ADAMTS17: variants seen among roughly 807,000 people sequenced by gnomAD.
ADAMTS17 encodes A disintegrin and metalloproteinase with thrombospondin motifs 17.
In ADAMTS17, 113 loss-of-function variants were observed where a neutral mutation model predicts 141.5. The observed-to-expected ratio is 0.80, with a 90% CI of 0.69 to 0.93. The LOEUF (loss-of-function observed/expected upper bound fraction) is 0.93, where lower values mean the gene tolerates loss of function less well. ADAMTS17 is among the 40% of genes least tolerant of loss of function. The probability of loss-of-function intolerance (pLI) is 0.00; values close to 1 mark genes in which losing one functional copy is unlikely to be tolerated. For missense variants in ADAMTS17, 1,659 were observed against 1,517.9 expected, an observed-to-expected ratio of 1.09 and a Z score of -1.54; for synonymous variants, 768 against 630.6, an observed-to-expected ratio of 1.22 and a Z score of -3.27.
At chr15:99,990,385 G>A (rs1195251485) in intron 20 of ADAMTS17, among the ~76,000 whole-genome samples, 1 of 152,164 alleles carries the variant, frequency 6.6e-6, no homozygotes, top group Non-Finnish European at 1.5e-5. Flanking sequence ...TTCTCTGCCA[G>A]TGAAAGATAC....
At chr15:100,245,058 C>A (rs2042946189) in intron 7 of ADAMTS17, among the ~76,000 whole-genome samples, 1 of 152,214 alleles carries the variant, frequency 6.6e-6, no homozygotes, top group African/African-American at 2.4e-5. Flanking sequence ...GCATTCCAAG[C>A]TTGCCATGAG....
chr15:100,089,723 A>G (rs1211518181), intron 15 of ADAMTS17, among the ~76,000 whole-genome samples: 3 of 151,770 alleles, frequency 2.0e-5, no homozygotes, highest in Non-Finnish European at 2.9e-5. Context: ...TCAACAAACT[A>G]TCACAAGGAC....
At chr15:100,283,955 A>T (rs971840471) in intron 3 of ADAMTS17, among the ~76,000 whole-genome samples, 2 of 152,126 alleles carry the variant, frequency 1.3e-5, no homozygotes, top group Non-Finnish European at 2.9e-5. Flanking sequence ...AAATTACAAA[A>T]ATTAGCCAGG....
chr15:100,120,774 C>A, intron 12 of ADAMTS17, among the ~76,000 whole-genome samples: 1 of 152,228 alleles, frequency 6.6e-6, no homozygotes, highest in Admixed American at 6.5e-5. Context: ...AGAGTTACTG[C>A]ATTCTAAGAT....
At chr15:100,248,151 C>T (rs2043043067) in intron 7 of ADAMTS17, among the ~76,000 whole-genome samples, 1 of 152,184 alleles carries the variant, frequency 6.6e-6, no homozygotes, top group African/African-American at 2.4e-5. Flanking sequence ...GGAACATCTC[C>T]ACTTCCTCCT....
chr15:99,992,480 T>C (rs1425381067), intron 20 of ADAMTS17, among the ~76,000 whole-genome samples: 1 of 152,162 alleles, frequency 6.6e-6, no homozygotes, highest in African/African-American at 2.4e-5. Context: ...ATCAGATGAA[T>C]GAATAAAAGA....
chr15:100,233,787 G>A (rs1435532253), intron 7 of ADAMTS17, among the ~76,000 whole-genome samples: 2 of 152,038 alleles, frequency 1.3e-5, no homozygotes, highest in Non-Finnish European at 2.9e-5. Flanking sequence ...GCCGGGCCCA[G>A]GAAGATTATG....
intron 12 of ADAMTS17, among the ~76,000 whole-genome samples, chr15:100,128,108 G>A (rs2037839632): frequency 6.6e-6 from 1 of 152,132 alleles, no homozygotes; most frequent in Admixed American, 6.5e-5. Flanking sequence ...ATGCAAGGAT[G>A]GTGGTGCTAT....
intron 15 of ADAMTS17, among the ~76,000 whole-genome samples, chr15:100,085,994 C>T (rs1186560086): frequency 6.6e-6 from 1 of 150,820 alleles, no homozygotes; most frequent in Non-Finnish European, 1.5e-5. Context: ...TCACATATAA[C>T]AATATTAACC....
chr15:100,087,236 A>G (rs541578828), intron 15 of ADAMTS17, among the ~76,000 whole-genome samples: 55 of 152,396 alleles, frequency 3.6e-4, no homozygotes, highest in African/African-American at 1.3e-3. Flanking sequence ...TAGAAAATCT[A>G]GAAGAAATGG....
chr15:100,003,333 T>G (rs2060968077), intron 18 of ADAMTS17, among the ~76,000 whole-genome samples: 1 of 152,024 alleles, frequency 6.6e-6, no homozygotes, highest in Non-Finnish European at 1.5e-5. Flanking sequence ...ATCAGCAGTA[T>G]ACGAGGCTCA....
intron 7 of ADAMTS17, among the ~76,000 whole-genome samples, chr15:100,213,187 T>A (rs1368499838): frequency 6.6e-6 from 1 of 152,252 alleles, no homozygotes; most frequent in East Asian, 1.9e-4. Context: ...CTTGGTATGT[T>A]TAACTGAATT....
At chr15:100,076,180 T>C (rs1447030387) in intron 15 of ADAMTS17, among the ~76,000 whole-genome samples, 1 of 152,092 alleles carries the variant, frequency 6.6e-6, no homozygotes, top group Non-Finnish European at 1.5e-5. Flanking sequence ...GTAGCTGGGA[T>C]TACAGGCGCC....
intron 13 of ADAMTS17, among the ~76,000 whole-genome samples, chr15:100,109,920 T>C (rs2036647548): frequency 6.6e-6 from 1 of 152,086 alleles, no homozygotes; most frequent in Non-Finnish European, 1.5e-5. Flanking sequence ...CCACATGCAC[T>C]GTGCACACAC....
intron 6 of ADAMTS17, among the ~76,000 whole-genome samples, chr15:100,254,487 G>C (rs542707152): frequency 6.6e-6 from 1 of 152,112 alleles, no homozygotes; most frequent in African/African-American, 2.4e-5. Context: ...TCACTGATCC[G>C]AGACAATTCT....
In ADAMTS17 at chr15:99,977,391, TA is replaced by T. The variant is rs1567632498; in HGVS notation, c.2950-1170del. Among the ~76,000 whole-genome samples, 29 of 10,444 alleles carry T rather than the reference TA, an allele frequency of 2.8e-3. 1 individual carries two copies. The highest frequency in any genetic ancestry group is 3.5e-3 in the South Asian group (1 of 286). 6.9% of individuals were successfully genotyped at this position (10,444 alleles called of 152,430 possible). A position where few individuals can be genotyped will look rare whatever the true frequency, so the allele number is the denominator to read the frequency against. ...ATATATATATATATATATATATATA[TA>T]TATATATAATTTTTTTTTTTTTTTT... On this transcript the variant is annotated intron_variant, in intron 20 of 21. Transcript: ENST00000268070.
At chr15:100,274,100 A>G (rs2142045273) in intron 4 of ADAMTS17, among the ~76,000 whole-genome samples, 1 of 152,316 alleles carries the variant, frequency 6.6e-6, no homozygotes, top group East Asian at 1.9e-4. Context: ...GACCTAACAC[A>G]TGGTCTATCC....
In ADAMTS17 at chr15:100,248,767, C is replaced by T. The variant is rs73481903; in HGVS notation, c.1075+5369G>A. ...GAAGCCTAAGAAGTCCATATCGGTG[C>T]CAGGAGGGAAGGAGGAAGGGTCCTT... On this transcript the variant is annotated intron_variant, in intron 7 of 21. Coordinates refer to ENST00000268070, the MANE Select transcript of ADAMTS17 (RefSeq NM_139057.4). Among the ~76,000 whole-genome samples the T allele has an allele frequency of 6.8e-3, 1,038 of 152,052 alleles. 12 individuals carry two copies. The highest frequency in any genetic ancestry group is 0.021 in the Middle Eastern group (6 of 292).
chr15:100,233,599 G>A (rs1017436199), intron 7 of ADAMTS17, among the ~76,000 whole-genome samples: 5 of 152,254 alleles, frequency 3.3e-5, no homozygotes, highest in East Asian at 3.9e-4. Context: ...CAGTGGGGGC[G>A]TGAAGATGCT....
Sources: allele counts gnomAD v4.1 joint callset (sites outside exome capture counted in the v4.1 genomes callset), GRCh38; gene constraint gnomAD v4.1.1; transcripts MANE v1.5; gene names NCBI Gene and HGNC (gene_info 2026-07-23, HGNC 2026-07-21).